The following CDC42EP4 variants were observed in gnomAD, a reference collection of about 807,000 sequenced individuals.
CDC42EP4 encodes CDC42 effector protein (Rho GTPase binding) 4.
A neutral mutation model predicts 5.6 loss-of-function variants in CDC42EP4; 6 were observed. The observed-to-expected ratio is 1.07, with a 90% CI of 0.59 to 2.12. CDC42EP4 has a LOEUF of 2.12. Among genes scored for constraint, CDC42EP4 ranks in the 30% most tolerant of loss-of-function variants. The pLI, the probability that CDC42EP4 is intolerant of heterozygous loss-of-function variation, is 0.00. For missense variants in CDC42EP4, 490 were observed against 508.6 expected (o/e 0.96, Z 0.35); for synonymous variants, 230 against 224.2 (o/e 1.03, Z -0.23).
intron 1 of CDC42EP4, among the ~76,000 whole-genome samples, chr17:73,288,911 A>G (rs1191400437): frequency 1.3e-5 from 2 of 152,220 alleles, no homozygotes; most frequent in African/African-American, 2.4e-5. Context: ...CAGACTTGCC[A>G]CACAGTGACG....
In CDC42EP4 at chr17:73,285,980, G is replaced by A. The variant is rs768798899; in HGVS notation, c.521C>T (p.Ser174Phe). 8 of 1,613,406 alleles carry A rather than the reference G, an allele frequency of 5.0e-6. No homozygotes were observed. The highest frequency in any genetic ancestry group is 3.3e-5 in the Admixed American group (2 of 60,006). ...PRRNGAAGPH[S>F]PDPLLDEQAF... Reference sequence around the variant, plus strand: ...CTGCTCATCGAGGAGGGGGTCAGGGGAATGTGGACCCGCGGCCCCATTCCG... The same window carrying A: ...CTGCTCATCGAGGAGGGGGTCAGGGAAATGTGGACCCGCGGCCCCATTCCG... The change falls in exon 2 of 2, where the codon TCC becomes TTC. Residue 174 changes from serine (S) to phenylalanine (F), a missense_variant. By Grantham distance (155) the Ser-to-Phe change is radical (BLOSUM62 -2). Coordinates refer to ENST00000335793, the MANE Select transcript of CDC42EP4 (RefSeq NM_012121.5). The surrounding 1 kb of genome is among the most constrained non-coding windows in gnomAD (Gnocchi z 6.8).
intron 1 of CDC42EP4, among the ~76,000 whole-genome samples, chr17:73,299,266 AT>A (rs201327413): frequency 1.1e-4 from 16 of 150,784 alleles, no homozygotes; most frequent in South Asian, 2.1e-4. Flanking sequence ...TACTAAAAAT[AT>A]TTAAAAAAAA....
chr17:73,296,623 G>A (rs990770687), intron 1 of CDC42EP4, among the ~76,000 whole-genome samples: 1 of 152,048 alleles, frequency 6.6e-6, no homozygotes. Flanking sequence ...CAGAACAGAG[G>A]CCAAGGCGAA....
At chr17:73,304,483 C>G (rs2062235013) in intron 1 of CDC42EP4, among the ~76,000 whole-genome samples, 1 of 151,980 alleles carries the variant, frequency 6.6e-6, no homozygotes, top group Non-Finnish European at 1.5e-5. Context: ...GTATTCTTCC[C>G]AACAATCCCA....
chr17:73,304,254 A>T (rs2062233655), intron 1 of CDC42EP4, among the ~76,000 whole-genome samples: 1 of 150,924 alleles, frequency 6.6e-6, no homozygotes, highest in Non-Finnish European at 1.5e-5. Flanking sequence ...TATTTTGATT[A>T]AACTGTCTCT....
At chr17:73,293,226 G>A (rs1383287960) in intron 1 of CDC42EP4, among the ~76,000 whole-genome samples, 1 of 152,204 alleles carries the variant, frequency 6.6e-6, no homozygotes, top group Non-Finnish European at 1.5e-5. Context: ...GATTCAATCT[G>A]TGTATCTGGA....
intron 1 of CDC42EP4, among the ~76,000 whole-genome samples, chr17:73,291,613 G>A (rs2062161601): frequency 6.6e-6 from 1 of 152,116 alleles, no homozygotes; most frequent in African/African-American, 2.4e-5. Flanking sequence ...GAAGCATGGT[G>A]ACTCAGCTCT....
chr17:73,310,775 A>ACACACACACGCACT (rs2062269998), intron 1 of CDC42EP4: 1 of 152,632 alleles, frequency 6.6e-6, no homozygotes, highest in African/African-American at 2.4e-5. Flanking sequence ...ACACACACAC[A>ACACACACACGCACT]CACACACACA....
At position 73,285,471 on chromosome 17, in the gene CDC42EP4, A is replaced by G; in HGVS notation, c.1030T>C (p.Ser344Pro). The G allele has an allele frequency of 6.3e-7, 1 of 1,579,526 alleles. No homozygotes were observed. The highest frequency in any genetic ancestry group is 8.6e-7 in the Non-Finnish European group (1 of 1,157,844). Residue 344 changes from serine to proline, a missense_variant, in exon 2 of 2, where the codon TCC becomes CCC. Coordinates refer to ENST00000335793, the MANE Select transcript of CDC42EP4 (RefSeq NM_012121.5). This position sits in a 1 kb window ranked among gnomAD's most constrained non-coding sequence, Gnocchi z 6.8. The part of the protein sequence containing the change: ...AVSRQPDKEF[S>P]FMDEEEEDEI... ...TCCTCCTCCTCCTCATCCATGAAGG[A>G]GAACTCCTTGTCTGGCTGTCTTGAG... is the stretch of plus-strand genomic sequence containing the variant.
At position 73,286,181 on chromosome 17, in the gene CDC42EP4, C is replaced by G; in HGVS notation, c.320G>C (p.Arg107Pro). The part of the protein sequence containing the change: ...REQRDMLGSL[R>P]DSALFVKNAM... ...ATTCTTGACAAACAGGGCCGAGTCC[C>G]GCAGGGAGCCCAGCATGTCACGCTG... The change falls in exon 2 of 2, where the codon CGG (arginine) becomes CCG (proline). Residue 107 changes from arginine to proline, a missense_variant. Physicochemically the swap from Arg to Pro is moderately radical, Grantham distance 103 (BLOSUM62 -2). Transcript: ENST00000335793. The surrounding 1 kb of genome is among the most constrained non-coding windows in gnomAD (Gnocchi z 7.7). The G allele has an allele frequency of 6.2e-7, 1 of 1,614,092 alleles. No homozygotes were observed. Among genetic ancestry groups the G allele is most frequent in the Non-Finnish European group, 8.5e-7 (1 of 1,180,040 alleles).
intron 1 of CDC42EP4, among the ~76,000 whole-genome samples, chr17:73,302,144 CT>C (rs1301197711): frequency 2.0e-5 from 3 of 152,070 alleles, no homozygotes; most frequent in Non-Finnish European, 2.9e-5. Flanking sequence ...AGCAGGCTAC[CT>C]TTTTTTCCCC....
Position 73,286,377 on chromosome 17 carries a change from G to T in CDC42EP4, c.124C>A (p.Arg42=), listed in dbSNP as rs138387953. Residue 42 remains arginine, a synonymous_variant, in exon 2 of 2, where the codon CGG becomes AGG. Coordinates refer to ENST00000335793, the MANE Select transcript of CDC42EP4 (RefSeq NM_012121.5). The surrounding 1 kb of genome is among the most constrained non-coding windows in gnomAD (Gnocchi z 7.7). ...GTGTCCCCAAAGGCGTCTCCGGCCCGGCCAACGTGCATGGTGTGGCGGAAG... is the reference window on the plus strand; with the variant it reads ...GTGTCCCCAAAGGCGTCTCCGGCCCTGCCAACGTGCATGGTGTGGCGGAAG... ...GDFRHTMHVG[R]AGDAFGDTSF... The T allele has an allele frequency of 5.1e-4, 821 of 1,613,950 alleles. No individual in the cohort carries two copies. The highest frequency in any genetic ancestry group is 6.7e-4 in the Non-Finnish European group (796 of 1,180,050).
At chr17:73,296,395 G>GGGA (rs2062185836) in intron 1 of CDC42EP4, among the ~76,000 whole-genome samples, 2 of 144,384 alleles carry the variant, frequency 1.4e-5, no homozygotes, top group Non-Finnish European at 3.0e-5. Context: ...TCCAGCCTGG[G>GGGA]CAACAGAGGG....
At chr17:73,288,146 C>T (rs2062143409) in intron 1 of CDC42EP4, among the ~76,000 whole-genome samples, 1 of 152,158 alleles carries the variant, frequency 6.6e-6, no homozygotes, top group Admixed American at 6.5e-5. Context: ...CCACCACCTG[C>T]CCCCCACGGC....
intron 1 of CDC42EP4, among the ~76,000 whole-genome samples, chr17:73,303,662 C>CAAAAAAAAA (rs542149787): frequency 1.4e-4 from 12 of 83,914 alleles, no homozygotes; most frequent in African/African-American, 4.8e-4. Flanking sequence ...ACTCTGTCTC[C>CAAAAAAAAA]AAAAAAAAAA....
intron 1 of CDC42EP4, among the ~76,000 whole-genome samples, chr17:73,301,056 TA>T (rs58376913): frequency 0.052 from 6,425 of 124,282 alleles, 229 homozygotes; most frequent in African/African-American, 0.12. Context: ...TCAAAAAAAT[TA>T]AAAAAAAAAA....
At chr17:73,295,518 A>G (rs905029866) in intron 1 of CDC42EP4, among the ~76,000 whole-genome samples, 1 of 152,182 alleles carries the variant, frequency 6.6e-6, no homozygotes, top group Non-Finnish European at 1.5e-5. Flanking sequence ...CTGATCCAAG[A>G]GCTGCTCAGA....
intron 1 of CDC42EP4, chr17:73,310,791 A>ACACGCACG (rs1436730308): frequency 8.0e-6 from 1 of 125,568 alleles, no homozygotes; most frequent in Admixed American, 7.9e-5. Flanking sequence ...ACACACACAC[A>ACACGCACG]CACGCACTTC....
Position 73,285,687 on chromosome 17 carries a change from C to G in CDC42EP4, c.814G>C (p.Asp272His), listed in dbSNP as rs942232786. 6.4e-7 allele frequency: 1 copy of G among 1,571,134 alleles called. No homozygotes were observed. The highest frequency in any genetic ancestry group is 8.7e-7 in the Non-Finnish European group (1 of 1,153,836). The change falls in exon 2 of 2, where the codon GAC (aspartate) becomes CAC (histidine). Residue 272 changes from aspartate (D) to histidine (H), a missense_variant. Coordinates refer to ENST00000335793, the MANE Select transcript of CDC42EP4 (RefSeq NM_012121.5). This position sits in a 1 kb window ranked among gnomAD's most constrained non-coding sequence, Gnocchi z 6.8. The part of the protein sequence containing the change: ...LARQEGKAGP[D>H]LPSLPSHALE... ...GCATGGGAGGGGAGGGAGGGCAAGT[C>G]TGGGCCAGCCTTGCCTTCCTGCCTT...
Sources: gnomAD v4.1 joint callset for allele counts (sites outside exome capture counted in the v4.1 genomes callset) on GRCh38, gnomAD v4.1.1 for gene constraint, Gnocchi (gnomAD v3.1) non-coding constraint, MANE v1.5 for transcripts, NCBI Gene and HGNC (gene_info 2026-07-23, HGNC 2026-07-21) for gene names.